CDC42SE2: variants seen among roughly 807,000 people sequenced by gnomAD.
CDC42SE2 encodes the protein CDC42 small effector 2.
Under a neutral mutation model 11.5 loss-of-function variants are expected in CDC42SE2, and 3 were observed. That is an observed-to-expected ratio of 0.26 (90% CI 0.12 to 0.67). The LOEUF (loss-of-function observed/expected upper bound fraction) is 0.67, where lower values mean the gene tolerates loss of function less well. Ranked by LOEUF, CDC42SE2 falls within the 30% of genes least tolerant of loss-of-function variation. The pLI, the probability that CDC42SE2 is intolerant of heterozygous loss-of-function variation, is 0.80. For synonymous variants in CDC42SE2, 33 were observed against 34.8 expected (o/e 0.95, Z 0.18); for missense variants, 82 against 106.8 (o/e 0.77, Z 1.02).
chr5:131,280,741 A>AT (rs1757221678), intron 1 of CDC42SE2, among the ~76,000 whole-genome samples: 1 of 152,118 alleles, frequency 6.6e-6, no homozygotes. Context: ...ATAAGTTTAT[A>AT]TTTTTTAGTC....
chr5:131,323,954 A>C (rs879597190), intron 2 of CDC42SE2, among the ~76,000 whole-genome samples: 42 of 152,202 alleles, frequency 2.8e-4, no homozygotes, highest in Non-Finnish European at 4.6e-4. Context: ...AAAGGAATGT[A>C]AATTGTCTTT....
chr5:131,303,597 T>G (rs942509972), intron 1 of CDC42SE2, among the ~76,000 whole-genome samples: 2 of 152,198 alleles, frequency 1.3e-5, no homozygotes, highest in Non-Finnish European at 2.9e-5. Context: ...AAATAAAGTT[T>G]GTCTAAATCA....
intron 1 of CDC42SE2, among the ~76,000 whole-genome samples, chr5:131,279,869 T>A (rs1757202618): frequency 6.6e-6 from 1 of 152,108 alleles, no homozygotes; most frequent in Non-Finnish European, 1.5e-5. Context: ...GTACAGGAGT[T>A]CGAGATCAGC....
chr5:131,301,180 G>A (rs113436246), intron 1 of CDC42SE2, among the ~76,000 whole-genome samples: 165 of 152,258 alleles, frequency 1.1e-3, no homozygotes, highest in African/African-American at 3.5e-3. Flanking sequence ...TCTGAGACTG[G>A]CAAGGGTAGG....
intron 3 of CDC42SE2, among the ~76,000 whole-genome samples, chr5:131,365,728 T>A (rs559688412): frequency 5.3e-5 from 8 of 152,154 alleles, no homozygotes; most frequent in East Asian, 1.9e-4. Flanking sequence ...CACACCTGTA[T>A]CCCCAGCACT....
intron 1 of CDC42SE2, among the ~76,000 whole-genome samples, chr5:131,309,076 G>A (rs1197055731): frequency 1.3e-5 from 2 of 151,996 alleles, no homozygotes; most frequent in African/African-American, 4.8e-5. Flanking sequence ...GATATTGGCT[G>A]TGGGTTTGTC....
the CDC42SE2 span, among the ~76,000 whole-genome samples, chr5:131,236,284 A>G: frequency 6.6e-6 from 1 of 152,180 alleles, no homozygotes; most frequent in Non-Finnish European, 1.5e-5. Context: ...AAGGGCCTTC[A>G]TCACTTCACG....
chr5:131,247,139 C>A (rs1580714233), intron 1 of CDC42SE2, among the ~76,000 whole-genome samples: 1 of 151,996 alleles, frequency 6.6e-6, no homozygotes, highest in East Asian at 1.9e-4. Flanking sequence ...TTTAGTAGTA[C>A]CTTTTATTGA....
intron 3 of CDC42SE2, among the ~76,000 whole-genome samples, chr5:131,381,052 A>G (rs1213389191): frequency 6.6e-6 from 1 of 152,038 alleles, no homozygotes; most frequent in African/African-American, 2.4e-5. Flanking sequence ...CACACTGCTG[A>G]TTTTCCTACT....
chr5:131,310,701 A>G (rs1580746140), intron 1 of CDC42SE2, among the ~76,000 whole-genome samples: 4 of 152,174 alleles, frequency 2.6e-5, no homozygotes, highest in African/African-American at 9.6e-5. Context: ...CCATTATGTA[A>G]TGGCCTTGTC....
Position 131,359,670 on chromosome 5 carries a change from T to C in CDC42SE2, c.54+123T>C, listed in dbSNP as rs559419520. The C allele has an allele frequency of 5.2e-6, 4 of 762,144 alleles. No individual in the cohort carries two copies. In the African/African-American group the frequency reaches 6.9e-5, roughly 13 times the overall value. 47.2% of individuals were successfully genotyped at this position (762,144 alleles called of 1,614,324 possible). A position where few individuals can be genotyped will look rare whatever the true frequency, so the allele number is the denominator to read the frequency against. ...CAGTTGTAGAGAATACCACAGAGAA[T>C]AGTTCAGTGGAACTCCGAACATATG... On this transcript the variant is annotated intron_variant, in intron 3 of 4. Coordinates refer to ENST00000505065, the MANE Select transcript of CDC42SE2 (RefSeq NM_001375635.1).
At chr5:131,271,051 G>T (rs546531393) in intron 1 of CDC42SE2, among the ~76,000 whole-genome samples, 5 of 152,294 alleles carry the variant, frequency 3.3e-5, no homozygotes, top group African/African-American at 1.2e-4. Context: ...TCTTTCTTCA[G>T]GAGTGCTGGA....
At chr5:131,240,934 C>G (rs28376934), upstream of CDC42SE2, among the ~76,000 whole-genome samples, 10 of 151,958 alleles carry the variant, frequency 6.6e-5, no homozygotes, top group Non-Finnish European at 1.5e-4. Context: ...GAATTTCCTT[C>G]AGATGGTTTT....
At chr5:131,385,150 A>G (rs1466387922) in intron 3 of CDC42SE2, among the ~76,000 whole-genome samples, 3 of 152,216 alleles carry the variant, frequency 2.0e-5, no homozygotes, top group African/African-American at 7.2e-5. Context: ...TACATCTGTT[A>G]ATGATGAAAG....
At chr5:131,309,382 A>T (rs1192242719) in intron 1 of CDC42SE2, among the ~76,000 whole-genome samples, 1 of 152,138 alleles carries the variant, frequency 6.6e-6, no homozygotes, top group African/African-American at 2.4e-5. Flanking sequence ...ATCAATATTC[A>T]TCAAGGATAT....
chr5:131,292,593 G>A lies in CDC42SE2; in HGVS notation c.-454-23383G>A, dbSNP rs562458215. Among the ~76,000 whole-genome samples the A allele has an allele frequency of 1.1e-4, 16 of 140,902 alleles. No individual in the cohort carries two copies. The South Asian group carries it at 3.1e-3, about 28-fold the overall frequency. The allele number at this position is 140,902 out of a possible 152,430, so 92.4% of individuals were successfully genotyped here. On this transcript the variant is annotated intron_variant, in intron 1 of 4. Transcript: ENST00000505065. ...AAAAAAAACAAAAAACAAAAAACTT[G>A]GTAATTTAAAAGTACACAGTTAGGG...
chr5:131,312,638 C>T (rs1053449224), intron 1 of CDC42SE2, among the ~76,000 whole-genome samples: 13 of 152,208 alleles, frequency 8.5e-5, no homozygotes, highest in Non-Finnish European at 2.9e-5. Flanking sequence ...GATATAATCT[C>T]GTGGTGCGCT....
At position 131,332,804 on chromosome 5, in the gene CDC42SE2, T is replaced by C. The variant is rs182771142; in HGVS notation, c.-286+16660T>C. 7.9e-3 allele frequency among the ~76,000 whole-genome samples: 1,209 copies of C among 152,350 alleles called. 21 individuals carry two copies. The highest frequency in any genetic ancestry group is 0.024 in the African/African-American group (1,001 of 41,568). On this transcript the variant is annotated intron_variant, in intron 2 of 4. Transcript: ENST00000505065. ...TCTGTTCATATCCTTTGCCCACTTTTTGATGGGGTTGTTTGTTTTTTTCTT... is the reference window on the plus strand; with the variant it reads ...TCTGTTCATATCCTTTGCCCACTTTCTGATGGGGTTGTTTGTTTTTTTCTT...
At chr5:131,302,023 TTGAGACAGGG>T (rs924528874) in intron 1 of CDC42SE2, among the ~76,000 whole-genome samples, 8 of 152,102 alleles carry the variant, frequency 5.3e-5, no homozygotes, top group African/African-American at 1.9e-4. Flanking sequence ...TATTTTGTTT[TTGAGACAGGG>T]TCTTACTCTC....
Sources: allele counts gnomAD v4.1 joint callset (sites outside exome capture counted in the v4.1 genomes callset), GRCh38; gene constraint gnomAD v4.1.1; transcripts MANE v1.5; gene names NCBI Gene and HGNC (gene_info 2026-07-23, HGNC 2026-07-21).